The following LOC102723971 variants were observed in gnomAD, a reference collection of about 807,000 sequenced individuals.
chr9:135,617,168 CAGCCTTGGGCCGAGACGCAGCTG>C, the LOC102723971 span, among the ~76,000 whole-genome samples: 1 of 152,118 alleles, frequency 6.6e-6, no homozygotes, highest in South Asian at 2.1e-4. Context: ...AGGGCACAGG[CAGCCTTGGGCCGAGACGCAGCTG>C]AGCTCTTCCT....
chr9:135,618,726 T>G, the LOC102723971 span, among the ~76,000 whole-genome samples: 6 of 151,304 alleles, frequency 4.0e-5, no homozygotes, highest in Admixed American at 3.9e-4. Context: ...GGGCAGTGGG[T>G]GGGGCCTTGT....
Sources: allele counts gnomAD v4.1 joint callset (sites outside exome capture counted in the v4.1 genomes callset), GRCh38; gene constraint gnomAD v4.1.1; transcripts MANE v1.5.